Variants in ATP2C2 observed in about 807,000 individuals in gnomAD.
The protein encoded by ATP2C2 is ATPase secretory pathway Ca2+ transporting 2.
A neutral mutation model predicts 110.8 loss-of-function variants in ATP2C2; 171 were observed. The observed-to-expected ratio is 1.54, with a 90% CI of 1.36 to 1.75. ATP2C2 has a LOEUF of 1.75. Among genes scored for constraint, ATP2C2 ranks in the 40% most tolerant of loss-of-function variants. The pLI is 0.00. For missense variants in ATP2C2, 1,963 were observed against 1,235.0 expected (o/e 1.59, Z -8.84); for synonymous variants, 804 against 508.4 (o/e 1.58, Z -7.82).
intron 1 of ATP2C2, 145 bp downstream of exon 1, chr16:84,368,859 C>T: frequency 2.8e-6 from 2 of 716,178 alleles, no homozygotes; most frequent in Non-Finnish European, 4.5e-6. Context: ...GCTGTCCTCA[C>T]AGCAACCGCG....
chr16:84,406,087 T>A (rs939604686), intron 3 of ATP2C2, among the ~76,000 whole-genome samples: 1 of 152,202 alleles, frequency 6.6e-6, no homozygotes, highest in Non-Finnish European at 1.5e-5. Context: ...GAGCCCAAAG[T>A]CACATAGCTG....
rs371614449 is a variant in ATP2C2, at chr16:84,424,576, CT to C, written c.920-1136del. On this transcript the variant is annotated intron_variant, in intron 10 of 26. Transcript: ENST00000262429. The stretch of plus-strand genomic sequence containing the variant: ...TACAGGCATGAGCCACCGCACTGGG[CT>C]TTTTTTTTTTTTTTTTTTTTTTAAC... Among the ~76,000 whole-genome samples, 861 of 114,804 alleles carry C rather than the reference CT, an allele frequency of 7.5e-3. 15 individuals carry two copies. Among genetic ancestry groups the C allele is most frequent in the African/African-American group, 0.019 (472 of 24,844 alleles). The allele number at this position is 114,804 out of a possible 152,430, so 75.3% of individuals were successfully genotyped here. A position where few individuals can be genotyped will look rare whatever the true frequency, so the allele number is the denominator to read the frequency against.
At chr16:84,412,472 CTG>C (rs1402888715) in intron 6 of ATP2C2, among the ~76,000 whole-genome samples, 3 of 137,020 alleles carry the variant, frequency 2.2e-5, no homozygotes, top group Admixed American at 1.5e-4. Context: ...GTGTGTGTGT[CTG>C]TGCATGTGTA....
chr16:84,445,557 C>T (rs1909670927), intron 15 of ATP2C2, among the ~76,000 whole-genome samples: 1 of 152,118 alleles, frequency 6.6e-6, no homozygotes, highest in Non-Finnish European at 1.5e-5. Context: ...CCCTAATAGC[C>T]TCAAATTGAC....
In ATP2C2 at chr16:84,395,719, C is replaced by T. The variant is rs555425052; in HGVS notation, c.100-2780C>T. On this transcript the variant is annotated intron_variant, in intron 1 of 26. Coordinates refer to ENST00000262429, the MANE Select transcript of ATP2C2 (RefSeq NM_014861.4). ...AATACCATGTTGGCCAGGCTGGTCTCGAACTCCTGACTTTAGATGATCTGC... is the reference window on the plus strand; with the variant it reads ...AATACCATGTTGGCCAGGCTGGTCTTGAACTCCTGACTTTAGATGATCTGC... Among the ~76,000 whole-genome samples, 161 of 151,478 alleles carry T rather than the reference C, an allele frequency of 1.1e-3. 1 individual carries two copies. The highest frequency in any genetic ancestry group is 3.8e-3 in the African/African-American group (156 of 40,810).
intron 6 of ATP2C2, among the ~76,000 whole-genome samples, chr16:84,414,602 G>C (rs1399513863): frequency 6.6e-6 from 1 of 152,206 alleles, no homozygotes; most frequent in African/African-American, 2.4e-5. Flanking sequence ...AGGGGTCTTA[G>C]CCAGGCATGA....
At chr16:84,409,700 C>A (rs1464278039) in intron 4 of ATP2C2, among the ~76,000 whole-genome samples, 1 of 151,970 alleles carries the variant, frequency 6.6e-6, no homozygotes, top group African/African-American at 2.4e-5. Flanking sequence ...ATGAGGTTTC[C>A]CTGTGTTGGC....
In ATP2C2 at chr16:84,370,250, G is replaced by A. The variant is rs192876666; in HGVS notation, c.99+1536G>A. Among the ~76,000 whole-genome samples, 355 of 152,322 alleles carry A rather than the reference G, an allele frequency of 2.3e-3. 2 individuals are homozygous for A. The highest frequency in any genetic ancestry group is 0.014 in the Middle Eastern group (4 of 294). ...GAGAGTTCTCAGAGGTCTGACAGGT[G>A]TTCAGCCGGTCTGTCAGTGTGCTCT... On this transcript the variant is annotated intron_variant, in intron 1 of 26. Coordinates refer to ENST00000262429, the MANE Select transcript of ATP2C2 (RefSeq NM_014861.4).
intron 23 of ATP2C2, chr16:84,459,695 G>T: frequency 9.1e-7 from 1 of 1,101,764 alleles, no homozygotes; most frequent in Non-Finnish European, 1.3e-6. Flanking sequence ...CTGCCTTCAG[G>T]AAGTCTTCCC....
intron 23 of ATP2C2, 51 bp from the exon 24 acceptor site, chr16:84,460,603 T>C (rs377309520): frequency 3.1e-6 from 5 of 1,613,228 alleles, no homozygotes; most frequent in African/African-American, 1.3e-5. Context: ...TCAAGGGTCC[T>C]TTATTTCATT....
intron 4 of ATP2C2, among the ~76,000 whole-genome samples, chr16:84,408,814 C>G (rs759470591): frequency 6.6e-6 from 1 of 151,994 alleles, no homozygotes; most frequent in Admixed American, 6.6e-5. Flanking sequence ...TTCCGAAGAA[C>G]AACACCTTTG....
At chr16:84,382,495 G>A (rs1288504610) in intron 1 of ATP2C2, among the ~76,000 whole-genome samples, 1 of 152,124 alleles carries the variant, frequency 6.6e-6, no homozygotes, top group Non-Finnish European at 1.5e-5. Flanking sequence ...CATCTCTCAG[G>A]GTCAGTCCTG....
intron 26 of ATP2C2, 90 bp from the exon 27 acceptor site, chr16:84,463,524 T>A: frequency 9.1e-7 from 1 of 1,097,968 alleles, no homozygotes; most frequent in Non-Finnish European, 1.4e-6. Context: ...ACCTCTCACT[T>A]TATCAGGAGG....
rs58934576 is a variant in ATP2C2 at position 84,397,655 on chromosome 16, C to CAAAAAAAAAAAAAAAAAAAAAA, written c.100-826_100-825insAAAAAAAAAAAAAAAAAAAAAA. ...CACCACTGCACTCCAGCCTGGGTGA[C>CAAAAAAAAAAAAAAAAAAAAAA]AAAAAAAAAAAAAAAAAACTTGCTT... is the stretch of plus-strand genomic sequence containing the variant. On this transcript the variant is annotated intron_variant, in intron 1 of 26. Coordinates refer to ENST00000262429, the MANE Select transcript of ATP2C2 (RefSeq NM_014861.4). Among the ~76,000 whole-genome samples, 324 of 63,466 alleles carry CAAAAAAAAAAAAAAAAAAAAAA rather than the reference C, an allele frequency of 5.1e-3. 39 individuals are homozygous for CAAAAAAAAAAAAAAAAAAAAAA. The highest frequency in any genetic ancestry group is 6.4e-3 in the African/African-American group (146 of 22,704). 41.6% of individuals were successfully genotyped at this position (63,466 alleles called of 152,430 possible).
At chr16:84,440,358 G>T (rs946350160) in intron 13 of ATP2C2, among the ~76,000 whole-genome samples, 5 of 152,214 alleles carry the variant, frequency 3.3e-5, no homozygotes, top group Non-Finnish European at 5.9e-5. Context: ...TACAAAACTG[G>T]CCAAACCAAG....
chr16:84,448,391 T>C, intron 16 of ATP2C2, 142 bp from the exon 17 acceptor site: 1 of 1,085,366 alleles, frequency 9.2e-7, no homozygotes, highest in Non-Finnish European at 1.3e-6. Flanking sequence ...CCAGCACCTG[T>C]GAACAGCACC....
In ATP2C2 at chr16:84,459,309, G is replaced by A. The variant is rs770096108; in HGVS notation, c.2256G>A (p.Val752=). The A allele has an allele frequency of 6.2e-6, 10 of 1,614,060 alleles. No individual in the cohort carries two copies. The highest frequency in any genetic ancestry group is 5.3e-5 in the African/African-American group (4 of 74,926). The part of the protein sequence containing the change: ...SALSLITLST[V]FNLPSPLNAM... Reference sequence around the variant, plus strand: ...TGAGTCTCATCACTCTGTCCACCGTGTTCAACCTGCCCAGCCCCCTCAACG... The same window carrying A: ...TGAGTCTCATCACTCTGTCCACCGTATTCAACCTGCCCAGCCCCCTCAACG... The change falls in exon 23 of 27, where the codon GTG becomes GTA. Residue 752 remains valine (V), a synonymous_variant. Transcript: ENST00000262429.
At chr16:84,402,831 C>T (rs546845225) in intron 2 of ATP2C2, among the ~76,000 whole-genome samples, 1 of 152,142 alleles carries the variant, frequency 6.6e-6, no homozygotes, top group Non-Finnish European at 1.5e-5. Context: ...CCCTACTCAT[C>T]TGTTTTTTGG....
chr16:84,429,433 G>A (rs375827584), intron 11 of ATP2C2, among the ~76,000 whole-genome samples: 27 of 152,310 alleles, frequency 1.8e-4, no homozygotes, highest in East Asian at 9.7e-4. Flanking sequence ...GATTACAGGT[G>A]TGAGCCAGTG....
Sources: allele counts gnomAD v4.1 joint callset (sites outside exome capture counted in the v4.1 genomes callset), GRCh38; gene constraint gnomAD v4.1.1; transcripts MANE v1.5; gene names NCBI Gene and HGNC (gene_info 2026-07-23, HGNC 2026-07-21).